TNFRSF8: variants seen among roughly 807,000 people sequenced by gnomAD.
TNFRSF8 encodes tumor necrosis factor receptor superfamily member 8.
Under a neutral mutation model 70.8 loss-of-function variants are expected in TNFRSF8, and 26 were observed. That is an observed-to-expected ratio of 0.37 (90% CI 0.27 to 0.51). The LOEUF (loss-of-function observed/expected upper bound fraction) is 0.51. TNFRSF8 is among the 20% of genes least tolerant of loss of function. The pLI, the probability that TNFRSF8 is intolerant of heterozygous loss-of-function variation, is 0.94. For missense variants in TNFRSF8, 720 were observed against 807.9 expected (o/e 0.89, Z 1.32); for synonymous variants, 356 against 339.2 (o/e 1.05, Z -0.54).
intron 3 of TNFRSF8, among the ~76,000 whole-genome samples, chr1:12,104,113 C>T (rs1201602997): frequency 2.0e-5 from 3 of 152,192 alleles, no homozygotes; most frequent in Admixed American, 2.0e-4. Context: ...GTTGGAATGA[C>T]AGTGTGTGGC....
At chr1:12,090,108 A>G (rs1430693940) in intron 2 of TNFRSF8, among the ~76,000 whole-genome samples, 1 of 146,684 alleles carries the variant, frequency 6.8e-6, no homozygotes, top group Non-Finnish European at 1.5e-5. Flanking sequence ...CCATCCATCT[A>G]TCCACCCATC....
At position 12,138,028 on chromosome 1, in the gene TNFRSF8, C is replaced by A. The variant is rs1642179142; in HGVS notation, c.1336-201C>A. On this transcript the variant is annotated intron_variant, in intron 13 of 14. Coordinates refer to ENST00000263932, the MANE Select transcript of TNFRSF8 (RefSeq NM_001243.5). This position sits in a 1 kb window ranked among gnomAD's most constrained non-coding sequence, Gnocchi z 5.7. ...GCACCCTGTGAGTCGCTGACTGTTA[C>A]CCCTACTATTTAGTACAAATTAAAA... Among the ~76,000 whole-genome samples the A allele has an allele frequency of 6.6e-6, 1 of 152,066 alleles. No homozygotes were observed. Among genetic ancestry groups the A allele is most frequent in the African/African-American group, 2.4e-5 (1 of 41,408 alleles).
chr1:12,110,541 A>C lies in TNFRSF8; in HGVS notation c.676+337A>C, dbSNP rs763638572. ...TGCGACTCAGCTGGCCAGCCTCTGC[A>C]CGTGTCCATCTGATGCCCTCCTGGT... is the stretch of plus-strand genomic sequence containing the variant. On this transcript the variant is annotated intron_variant, in intron 6 of 14. Coordinates refer to ENST00000263932, the MANE Select transcript of TNFRSF8 (RefSeq NM_001243.5). The surrounding 1 kb of genome is among the most constrained non-coding windows in gnomAD (Gnocchi z 4.0). Among the ~76,000 whole-genome samples, 3 of 152,148 alleles carry C rather than the reference A, an allele frequency of 2.0e-5. No homozygotes were observed. Among genetic ancestry groups the C allele is most frequent in the Non-Finnish European group, 4.4e-5 (3 of 68,028 alleles).
intron 1 of TNFRSF8, among the ~76,000 whole-genome samples, chr1:12,083,906 T>C (rs966339354): frequency 6.6e-6 from 1 of 152,120 alleles, no homozygotes; most frequent in East Asian, 1.9e-4. Flanking sequence ...AATAGAGCGA[T>C]AGAAATCAGC....
chr1:12,095,588 T>C (rs140519074), intron 2 of TNFRSF8, among the ~76,000 whole-genome samples: 1,683 of 152,348 alleles, frequency 0.011, 36 homozygotes, highest in African/African-American at 0.039. Context: ...GCACCCGGCC[T>C]GTTACTATAT....
rs750775367 is a variant in TNFRSF8 at position 12,109,586 on chromosome 1, G to A, written c.442G>A (p.Val148Ile). ...KFPGTAQKNT[V>I]CEPASPGVSP... ...TGCAGGCACGGCGCAGAAGAACACG[G>A]TCTGTGAGCCGGCTTCCCCAGGGGT... Residue 148 changes from valine to isoleucine, a missense_variant, in exon 5 of 15, where the codon GTC becomes ATC. Val to Ile is a conservative substitution (Grantham distance 29). Transcript: ENST00000263932. The surrounding 1 kb of genome is among the most constrained non-coding windows in gnomAD (Gnocchi z 4.4). The A allele has an allele frequency of 3.1e-6, 5 of 1,613,676 alleles. No individual in the cohort carries two copies. The African/African-American group carries it at 5.3e-5, about 17-fold the overall frequency.
In TNFRSF8 at chr1:12,105,847, GA is replaced by G. The variant is rs1404917652; in HGVS notation, c.421+1317del. Among the ~76,000 whole-genome samples, 2 of 150,906 alleles carry G rather than the reference GA, an allele frequency of 1.3e-5. 1 individual carries two copies. The highest frequency in any genetic ancestry group is 1.3e-4 in the Admixed American group (2 of 15,054). Reference sequence around the variant, plus strand: ...CCATTTACTCAGGAGGCTGAGGCAGGAGAACCACTTGAACCTGGGAGGCGGT... The same window carrying G: ...CCATTTACTCAGGAGGCTGAGGCAGGGAACCACTTGAACCTGGGAGGCGGT... On this transcript the variant is annotated intron_variant, in intron 4 of 14. Transcript: ENST00000263932.
At chr1:12,133,608 T>C (rs1300258492) in intron 12 of TNFRSF8, among the ~76,000 whole-genome samples, 1 of 150,230 alleles carries the variant, frequency 6.7e-6, no homozygotes, top group Admixed American at 6.6e-5. Context: ...AGCATGGTGG[T>C]GCGTGCCTGT....
At chr1:12,092,466 C>A (rs1641262089) in intron 2 of TNFRSF8, among the ~76,000 whole-genome samples, 1 of 151,380 alleles carries the variant, frequency 6.6e-6, no homozygotes. Flanking sequence ...AGTTACCGTG[C>A]CTGAAAATGT....
intron 13 of TNFRSF8, 133 bp downstream of exon 13, chr1:12,135,746 A>G (rs1570084872): frequency 7.7e-7 from 1 of 1,297,618 alleles, no homozygotes; most frequent in South Asian, 1.4e-5. Flanking sequence ...CCCCTCCCAC[A>G]GTGCCCAGGG....
At chr1:12,118,639 A>G (rs930524239) in intron 8 of TNFRSF8, among the ~76,000 whole-genome samples, 4 of 152,120 alleles carry the variant, frequency 2.6e-5, no homozygotes, top group Admixed American at 1.3e-4. Context: ...AAGGAACAAT[A>G]TGGGATCAGA....
chr1:12,093,124 G>A (rs1641273796), intron 2 of TNFRSF8, among the ~76,000 whole-genome samples: 1 of 152,088 alleles, frequency 6.6e-6, no homozygotes, highest in South Asian at 2.1e-4. Context: ...CTTTTCATGA[G>A]AACACCGGTC....
intron 3 of TNFRSF8, among the ~76,000 whole-genome samples, chr1:12,100,747 A>C (rs896468547): frequency 1.3e-5 from 2 of 152,144 alleles, no homozygotes; most frequent in African/African-American, 4.8e-5. Context: ...ACTTGAGGTC[A>C]AGAGTTCAAG....
intron 1 of TNFRSF8, among the ~76,000 whole-genome samples, chr1:12,067,926 G>A (rs1640771512): frequency 6.6e-6 from 1 of 150,758 alleles, no homozygotes; most frequent in Admixed American, 6.6e-5. Context: ...TGGAGAGGAG[G>A]GGACCCTGAA....
intron 1 of TNFRSF8, among the ~76,000 whole-genome samples, chr1:12,081,141 C>G (rs529678553): frequency 6.6e-6 from 1 of 152,310 alleles, no homozygotes; most frequent in Admixed American, 6.5e-5. Context: ...CTCTGCACCC[C>G]CTACCCCTCC....
At chr1:12,084,386 C>T in intron 1 of TNFRSF8, 78 bp from the exon 2 acceptor site, 2 of 1,326,276 alleles carry the variant, frequency 1.5e-6, no homozygotes, top group Non-Finnish European at 2.2e-6. Flanking sequence ...CGTCTCAGGC[C>T]TCCTGGGACT....
At chr1:12,078,281 C>T (rs1033694534) in intron 1 of TNFRSF8, among the ~76,000 whole-genome samples, 3 of 151,950 alleles carry the variant, frequency 2.0e-5, no homozygotes, top group Admixed American at 1.3e-4. Context: ...CAGTCAGTCT[C>T]GGCCAGGCAT....
At chr1:12,072,948 G>A (rs1416700807) in intron 1 of TNFRSF8, among the ~76,000 whole-genome samples, 6 of 152,178 alleles carry the variant, frequency 3.9e-5, no homozygotes, top group African/African-American at 9.7e-5. Context: ...GGGGGCATGT[G>A]CCCTGCCCCT....
At chr1:12,080,109 C>T (rs1008879988) in intron 1 of TNFRSF8, among the ~76,000 whole-genome samples, 4 of 151,786 alleles carry the variant, frequency 2.6e-5, no homozygotes, top group East Asian at 1.9e-4. Context: ...CCACCATGCC[C>T]GGCTTATTTT....
Sources: gnomAD v4.1 joint callset for allele counts (sites outside exome capture counted in the v4.1 genomes callset) on GRCh38, gnomAD v4.1.1 for gene constraint, Gnocchi (gnomAD v3.1) non-coding constraint, MANE v1.5 for transcripts, NCBI Gene and HGNC (gene_info 2026-07-23, HGNC 2026-07-21) for gene names.